Variants in ADAM12 observed in about 807,000 individuals in gnomAD.
ADAM12 encodes ADAM metallopeptidase domain 12.
ADAM12 carries 70 observed loss-of-function variants against 106.4 expected under a neutral mutation model. That is an observed-to-expected ratio of 0.66 (90% CI 0.54 to 0.80). The LOEUF (loss-of-function observed/expected upper bound fraction) is 0.80, where lower values mean the gene tolerates loss of function less well. ADAM12 is among the 30% of genes least tolerant of loss of function. ADAM12 has a pLI of 0.00. For synonymous variants in ADAM12, 420 were observed against 433.5 expected (o/e 0.97, Z 0.39); for missense variants, 1,010 against 1,171.9 (o/e 0.86, Z 2.02).
At chr10:126,233,751 G>A (rs1168967899) in intron 3 of ADAM12, among the ~76,000 whole-genome samples, 1 of 152,156 alleles carries the variant, frequency 6.6e-6, no homozygotes, top group Non-Finnish European at 1.5e-5. Flanking sequence ...CCCTCCACTC[G>A]CATATTTTAA....
intron 2 of ADAM12, among the ~76,000 whole-genome samples, chr10:126,328,093 G>A (rs1333624143): frequency 6.6e-6 from 1 of 152,174 alleles, no homozygotes; most frequent in Non-Finnish European, 1.5e-5. Flanking sequence ...CATCTTCCCT[G>A]CTGGCCCCTA....
chr10:126,302,481 G>A (rs1056531814), intron 2 of ADAM12, among the ~76,000 whole-genome samples: 11 of 152,138 alleles, frequency 7.2e-5, no homozygotes, highest in African/African-American at 1.2e-4. Context: ...AAATGATGAC[G>A]AGAAGAAAGA....
intron 2 of ADAM12, among the ~76,000 whole-genome samples, chr10:126,286,463 A>C (rs913714775): frequency 6.6e-6 from 1 of 152,292 alleles, no homozygotes; most frequent in South Asian, 2.1e-4. Context: ...AAGAACAACA[A>C]AATTAAAATA....
intron 1 of ADAM12, among the ~76,000 whole-genome samples, chr10:126,340,830 C>T (rs1192919457): frequency 6.6e-6 from 1 of 151,738 alleles, no homozygotes; most frequent in Non-Finnish European, 1.5e-5. Context: ...CAATTCTCTG[C>T]CTCAGCCTCC....
At chr10:126,310,837 G>A (rs1213110817) in intron 2 of ADAM12, among the ~76,000 whole-genome samples, 2 of 152,164 alleles carry the variant, frequency 1.3e-5, no homozygotes, top group African/African-American at 4.8e-5. Flanking sequence ...TAGCTGTTTG[G>A]TGAGAATGGG....
At chr10:126,026,208 A>C (rs1276180824) in intron 21 of ADAM12, among the ~76,000 whole-genome samples, 1 of 152,228 alleles carries the variant, frequency 6.6e-6, no homozygotes, top group Non-Finnish European at 1.5e-5. Flanking sequence ...TTTCTGACAA[A>C]ACAGACTTTA....
At chr10:126,051,474 C>T (rs1269920565) in intron 14 of ADAM12, among the ~76,000 whole-genome samples, 2 of 149,706 alleles carry the variant, frequency 1.3e-5, no homozygotes, top group South Asian at 2.1e-4. Context: ...TCCATCCATC[C>T]GTCCAGCCAG....
At chr10:126,363,872 TTCCTTCCTAA>T (rs1425277463) in intron 1 of ADAM12, among the ~76,000 whole-genome samples, 2 of 152,172 alleles carry the variant, frequency 1.3e-5, no homozygotes, top group African/African-American at 2.4e-5. Flanking sequence ...TAAGACCACT[TTCCTTCCTAA>T]TATAGATGCA....
At chr10:126,048,317 G>A (rs1210775157) in intron 16 of ADAM12, among the ~76,000 whole-genome samples, 1 of 152,144 alleles carries the variant, frequency 6.6e-6, no homozygotes, top group Non-Finnish European at 1.5e-5. Context: ...TATGATTTGA[G>A]CCTAAAAATA....
intron 3 of ADAM12, among the ~76,000 whole-genome samples, chr10:126,199,600 T>C (rs1442279926): frequency 1.3e-5 from 2 of 152,134 alleles, no homozygotes; most frequent in Non-Finnish European, 2.9e-5. Context: ...CTTCCCAGAG[T>C]GTGTCTCGGA....
Position 126,074,498 on chromosome 10 carries a change from G to A in ADAM12, c.1146-2844C>T, listed in dbSNP as rs1955060068. 2.0e-5 allele frequency among the ~76,000 whole-genome samples: 3 copies of A among 152,328 alleles called. No homozygotes were observed. The South Asian group carries it at 6.2e-4, about 32-fold the overall frequency. On this transcript the variant is annotated intron_variant, in intron 11 of 22. Coordinates refer to ENST00000448723, the MANE Select transcript of ADAM12 (RefSeq NM_001288973.2). ...GTCCAGGATTTAAACTTCAGAATGT[G>A]TAGGAGAGGAGAACAGAACAGATCA... is the stretch of plus-strand genomic sequence containing the variant.
intron 4 of ADAM12, among the ~76,000 whole-genome samples, chr10:126,146,384 A>T (rs896060523): frequency 6.6e-6 from 1 of 152,192 alleles, no homozygotes; most frequent in Non-Finnish European, 1.5e-5. Context: ...GAATATGATG[A>T]TGAGCCTGGC....
intron 5 of ADAM12, among the ~76,000 whole-genome samples, chr10:126,124,064 G>A (rs12269304): frequency 0.01 from 1,525 of 152,214 alleles, 30 homozygotes; most frequent in African/African-American, 0.035. Flanking sequence ...AGCAGGCACC[G>A]GGGCCGCTTA....
In ADAM12 at chr10:126,140,385, G is replaced by A. The variant is rs545099726; in HGVS notation, c.340-4725C>T. ...ATTAAATACACAGAAATATAAGCTC[G>A]TTAGAGCATGAGCTTAGAACAAACT... On this transcript the variant is annotated intron_variant, in intron 4 of 22. Transcript: ENST00000448723. 4.5e-4 allele frequency among the ~76,000 whole-genome samples: 68 copies of A among 152,206 alleles called. No homozygotes were observed. In the South Asian group the frequency reaches 5.6e-3, roughly 13 times the overall value.
intron 3 of ADAM12, among the ~76,000 whole-genome samples, chr10:126,211,273 T>A (rs182333980): frequency 6.6e-6 from 1 of 152,090 alleles, no homozygotes; most frequent in Non-Finnish European, 1.5e-5. Context: ...TTGCCTGAAG[T>A]GTGTTTGTTC....
chr10:126,259,444 T>C (rs1433338025), intron 3 of ADAM12, among the ~76,000 whole-genome samples: 3 of 152,230 alleles, frequency 2.0e-5, no homozygotes. Flanking sequence ...TTTGCAAAGT[T>C]TGTTTACTGA....
At chr10:126,284,384 G>C (rs1959744951) in intron 2 of ADAM12, among the ~76,000 whole-genome samples, 1 of 147,414 alleles carries the variant, frequency 6.8e-6, no homozygotes, top group South Asian at 2.2e-4. Context: ...CGTATCTGTA[G>C]CAGCCATGTG....
chr10:126,121,090 TA>T (rs1956084504), intron 5 of ADAM12, among the ~76,000 whole-genome samples: 1 of 68,960 alleles, frequency 1.5e-5, no homozygotes, highest in African/African-American at 6.0e-5. Context: ...ATTAGATGTA[TA>T]ATATACTATA....
intron 3 of ADAM12, among the ~76,000 whole-genome samples, chr10:126,190,357 C>T (rs1208543851): frequency 6.6e-6 from 1 of 152,066 alleles, no homozygotes; most frequent in Non-Finnish European, 1.5e-5. Context: ...TACTCTTGCA[C>T]CACCACACCT....
Sources: allele counts gnomAD v4.1 joint callset (sites outside exome capture counted in the v4.1 genomes callset), GRCh38; gene constraint gnomAD v4.1.1; transcripts MANE v1.5; gene names NCBI Gene and HGNC (gene_info 2026-07-23, HGNC 2026-07-21).